Variants in MLLT10 observed in about 807,000 individuals in gnomAD.
MLLT10 encodes the protein protein AF-10.
Under a neutral mutation model 129.1 loss-of-function variants are expected in MLLT10, and 30 were observed. The observed-to-expected ratio is 0.23, with a 90% CI of 0.17 to 0.32. The LOEUF (loss-of-function observed/expected upper bound fraction) is 0.32, where lower values mean the gene tolerates loss of function less well. Among genes scored for constraint, MLLT10 ranks in the 10% least tolerant of loss-of-function variants. The pLI, the probability that MLLT10 is intolerant of heterozygous loss-of-function variation, is 1.00. For synonymous variants in MLLT10, 490 were observed against 446.4 expected (o/e 1.10, Z -1.23); for missense variants, 1,119 against 1,268.3 (o/e 0.88, Z 1.79).
At chr10:21,608,544 T>C (rs999737624) in intron 5 of MLLT10, among the ~76,000 whole-genome samples, 1 of 152,138 alleles carries the variant, frequency 6.6e-6, no homozygotes, top group African/African-American at 2.4e-5. Context: ...GATTTTTGTA[T>C]GTATAATTTT....
intron 4 of MLLT10, among the ~76,000 whole-genome samples, chr10:21,594,834 C>CA (rs558808825): frequency 0.049 from 5,503 of 111,222 alleles, 156 homozygotes; most frequent in African/African-American, 0.1. Flanking sequence ...AACTCCATCT[C>CA]AAAAAAAAAA....
chr10:21,665,135 G>A (rs1340015538), intron 9 of MLLT10, among the ~76,000 whole-genome samples: 3 of 151,516 alleles, frequency 2.0e-5, no homozygotes, highest in African/African-American at 7.3e-5. Flanking sequence ...TAGTAGAGAC[G>A]GGGTTTCACC....
chr10:21,687,540 CT>C (rs1176178141), intron 13 of MLLT10, among the ~76,000 whole-genome samples: 1 of 152,088 alleles, frequency 6.6e-6, no homozygotes, highest in African/African-American at 2.4e-5. Flanking sequence ...ATTTTTTCTT[CT>C]TATGAGTTAG....
intron 8 of MLLT10, chr10:21,624,578 C>A: frequency 7.4e-7 from 1 of 1,350,362 alleles, no homozygotes; most frequent in Non-Finnish European, 9.9e-7. Context: ...CATTTTCAAG[C>A]CCTTACTTGT....
In MLLT10 at chr10:21,670,514, A is replaced by G; in HGVS notation, c.861A>G (p.Ala287=). Residue 287 remains alanine (A), a synonymous_variant, in exon 10 of 23, where the codon GCA becomes GCG. Coordinates refer to ENST00000307729, the MANE Select transcript of MLLT10 (RefSeq NM_001195626.3). ...TGAAGCGCTTGGAAGATACTACTGCACGATTTACAAATGCAAATTTCCAGG... is the reference window on the plus strand; with the variant it reads ...TGAAGCGCTTGGAAGATACTACTGCGCGATTTACAAATGCAAATTTCCAGG... ...GSLKRLEDTT[A]RFTNANFQEV... The G allele has an allele frequency of 6.2e-7, 1 of 1,614,154 alleles. No homozygotes were observed. The highest frequency in any genetic ancestry group is 8.5e-7 in the Non-Finnish European group (1 of 1,180,008).
chr10:21,687,726 A>G (rs147077975), intron 13 of MLLT10, among the ~76,000 whole-genome samples: 9 of 152,264 alleles, frequency 5.9e-5, no homozygotes, highest in Non-Finnish European at 1.3e-4. Context: ...ACATTGGTTT[A>G]GGGGGTTGAA....
chr10:21,730,997 G>A lies in MLLT10; in HGVS notation c.2161G>A (p.Glu721Lys). ...AGCAGCCAGCATAGAACAGCTTTTG[G>A]AGAGGCAGTGGAGTGAAGGACAGCA... ...PVAASIEQLL[E>K]RQWSEGQQFL... The change falls in exon 17 of 23, where the codon GAG (glutamate) becomes AAG (lysine). Residue 721 changes from glutamate (E) to lysine (K), a missense_variant. Around this residue, in one of 5 missense-constraint regions of MLLT10, gnomAD observed 1,004 missense variants for 1,008.7 expected, o/e 1.00. Coordinates refer to ENST00000307729, the MANE Select transcript of MLLT10 (RefSeq NM_001195626.3). The A allele has an allele frequency of 6.2e-7, 1 of 1,614,152 alleles. No individual in the cohort carries two copies.
chr10:21,670,588 G>A lies in MLLT10; in HGVS notation c.935G>A (p.Gly312Glu), dbSNP rs2051294958. The A allele has an allele frequency of 6.2e-7, 1 of 1,614,036 alleles. No homozygotes were observed. The highest frequency in any genetic ancestry group is 1.1e-5 in the South Asian group (1 of 91,088). ...SSGKDVSETRGSEGKGKKSSA... is the reference protein window; with the variant it reads ...SSGKDVSETRESEGKGKKSSA... Reference sequence around the variant, plus strand: ...GGAAAAGATGTTTCAGAGACTAGAGGGTCAGAGGGCAAAGGGAAGAAATCT... The same window carrying A: ...GGAAAAGATGTTTCAGAGACTAGAGAGTCAGAGGGCAAAGGGAAGAAATCT... Residue 312 changes from glycine to glutamate, a missense_variant, in exon 10 of 23, where the codon GGG becomes GAG. Transcript: ENST00000307729.
At position 21,534,309 on chromosome 10, in the gene MLLT10, C is replaced by T; in HGVS notation, c.-212C>T. On this transcript the variant is annotated 5_prime_UTR_variant, in exon 1 of 23. Coordinates refer to ENST00000307729, the MANE Select transcript of MLLT10 (RefSeq NM_001195626.3). ...CGCTGCCCCTGGCCCAGCGGGAGCC[C>T]CCCCTCCCCCCAGTGCGCCTGTGCG... is the stretch of plus-strand genomic sequence containing the variant. 5.2e-6 allele frequency: 2 copies of T among 383,402 alleles called. No individual in the cohort carries two copies. Among genetic ancestry groups the T allele is most frequent in the Non-Finnish European group, 9.3e-6 (2 of 214,258 alleles). 23.8% of individuals were successfully genotyped at this position (383,402 alleles called of 1,614,324 possible).
chr10:21,633,939 C>T (rs565914869), intron 8 of MLLT10, among the ~76,000 whole-genome samples: 6 of 152,252 alleles, frequency 3.9e-5, no homozygotes, highest in East Asian at 3.9e-4. Flanking sequence ...AAGTATCAAA[C>T]GTTGCATTTA....
At chr10:21,596,326 T>C (rs1407026496) in intron 5 of MLLT10, among the ~76,000 whole-genome samples, 1 of 152,154 alleles carries the variant, frequency 6.6e-6, no homozygotes, top group African/African-American at 2.4e-5. Context: ...TGCGAGTCAA[T>C]AAATTGTGTT....
intron 13 of MLLT10, among the ~76,000 whole-genome samples, chr10:21,691,472 T>G (rs886435846): frequency 1.3e-5 from 2 of 152,222 alleles, no homozygotes; most frequent in African/African-American, 4.8e-5. Context: ...CTTCTCATAC[T>G]TTTTTCCATC....
chr10:21,614,843 C>G lies in MLLT10; in HGVS notation c.522C>G (p.Ala174=), dbSNP rs141117434. 4.8e-5 allele frequency: 77 copies of G among 1,611,172 alleles called. No homozygotes were observed. Among genetic ancestry groups the G allele is most frequent in the Middle Eastern group, 1.6e-4 (1 of 6,072 alleles). ...QAFHVTCAQF[A]GLLCEEEGNG... Reference sequence around the variant, plus strand: ...CTTTTATTTTCAGCGCTCAGTTTGCCGGACTGCTTTGTGAAGAAGAAGGTA... The same window carrying G: ...CTTTTATTTTCAGCGCTCAGTTTGCGGGACTGCTTTGTGAAGAAGAAGGTA... The change falls in exon 7 of 23, where the codon GCC becomes GCG. Residue 174 remains alanine (A), a synonymous_variant. Transcript: ENST00000307729.
At chr10:21,611,496 T>C (rs887508670) in intron 5 of MLLT10, among the ~76,000 whole-genome samples, 1 of 152,168 alleles carries the variant, frequency 6.6e-6, no homozygotes, top group African/African-American at 2.4e-5. Context: ...AGAAATTAGT[T>C]TCTTTTTCAA....
In MLLT10 at chr10:21,727,845, TTACAC is replaced by T. The variant is rs1406232919; in HGVS notation, c.1991-6_1991-2del. ...AGTCACTTTATCAGCTCTGAAATAT[TTACAC>T]TACAGATCAAGATCTTGGAGACAAT... On this transcript the variant is annotated splice_polypyrimidine_tract_variant and splice_region_variant and intron_variant, in intron 15 of 22. Coordinates refer to ENST00000307729, the MANE Select transcript of MLLT10 (RefSeq NM_001195626.3). 1 of 1,611,474 alleles carries T rather than the reference TTACAC, an allele frequency of 6.2e-7. No individual in the cohort carries two copies. The highest frequency in any genetic ancestry group is 1.7e-5 in the Admixed American group (1 of 59,950).
intron 13 of MLLT10, among the ~76,000 whole-genome samples, chr10:21,709,714 T>C (rs1288001283): frequency 6.6e-6 from 1 of 152,212 alleles, no homozygotes; most frequent in Non-Finnish European, 1.5e-5. Context: ...TCTGGCCCTC[T>C]TAGCCAAACT....
At chr10:21,684,603 T>G (rs1341246897) in intron 13 of MLLT10, among the ~76,000 whole-genome samples, 1 of 152,216 alleles carries the variant, frequency 6.6e-6, no homozygotes, top group Non-Finnish European at 1.5e-5. Context: ...CTGAACTGTT[T>G]CAGCAAACTC....
chr10:21,633,585 C>G (rs564346646), intron 8 of MLLT10, among the ~76,000 whole-genome samples: 2 of 152,234 alleles, frequency 1.3e-5, no homozygotes, highest in East Asian at 1.9e-4. Flanking sequence ...GTCCCAGCTA[C>G]TTAGGAGGCT....
At position 21,540,964 on chromosome 10, in the gene MLLT10, A is replaced by G. The variant is rs180751030; in HGVS notation, c.240+2052A>G. Reference sequence around the variant, plus strand: ...GACCTGAGGTCAGGAGTTTGAGACCAGCCTGAGCAACATGGCGAAACCCCA... The same window carrying G: ...GACCTGAGGTCAGGAGTTTGAGACCGGCCTGAGCAACATGGCGAAACCCCA... On this transcript the variant is annotated intron_variant, in intron 3 of 22. Coordinates refer to ENST00000307729, the MANE Select transcript of MLLT10 (RefSeq NM_001195626.3). Among the ~76,000 whole-genome samples, 70 of 152,254 alleles carry G rather than the reference A, an allele frequency of 4.6e-4. No individual in the cohort carries two copies. The East Asian group carries it at 0.013, about 29-fold the overall frequency.
Sources: allele counts gnomAD v4.1 joint callset (sites outside exome capture counted in the v4.1 genomes callset), GRCh38; gene constraint gnomAD v4.1.1; regional missense constraint gnomAD v4.1.1; transcripts MANE v1.5; gene names NCBI Gene and HGNC (gene_info 2026-07-23, HGNC 2026-07-21).